Variants in PCDH9 observed in about 807,000 individuals in gnomAD.
PCDH9 encodes the protein protocadherin-9.
Under a neutral mutation model 70.6 loss-of-function variants are expected in PCDH9, and 24 were observed. The ratio of observed to expected loss-of-function variants is 0.34; its 90% CI spans 0.25 to 0.48. PCDH9 has a LOEUF of 0.48. Ranked by LOEUF, PCDH9 falls within the 20% of genes least tolerant of loss-of-function variation. PCDH9 has a pLI of 0.99. For synonymous variants in PCDH9, 562 were observed against 558.5 expected (o/e 1.01, Z -0.09); for missense variants, 1,281 against 1,503.6 (o/e 0.85, Z 2.45).
chr13:66,448,719 T>G (rs1361057345), intron 4 of PCDH9, among the ~76,000 whole-genome samples: 2 of 152,288 alleles, frequency 1.3e-5, no homozygotes, highest in Non-Finnish European at 2.9e-5. Flanking sequence ...TACTTGGATA[T>G]GGAGGTGGGA....
intron 4 of PCDH9, among the ~76,000 whole-genome samples, chr13:66,484,368 A>G (rs1417062963): frequency 6.6e-6 from 1 of 152,040 alleles, no homozygotes; most frequent in East Asian, 1.9e-4. Context: ...GCCCATCTGT[A>G]TGCTCTCCTA....
At chr13:66,443,379 C>G (rs1372742531) in intron 4 of PCDH9, among the ~76,000 whole-genome samples, 1 of 152,114 alleles carries the variant, frequency 6.6e-6, no homozygotes, top group Non-Finnish European at 1.5e-5. Context: ...ATTTTTGGAA[C>G]TGTGTAACAA....
intron 4 of PCDH9, among the ~76,000 whole-genome samples, chr13:66,520,595 A>G (rs1286321442): frequency 6.6e-6 from 1 of 152,152 alleles, no homozygotes; most frequent in Non-Finnish European, 1.5e-5. Context: ...CGAATATCTG[A>G]TTATTTAGCT....
chr13:66,632,248 C>T (rs911275805), intron 3 of PCDH9, among the ~76,000 whole-genome samples: 2 of 152,280 alleles, frequency 1.3e-5, no homozygotes, highest in Non-Finnish European at 2.9e-5. Flanking sequence ...TAAAGCAATA[C>T]TGGAATAATT....
Position 66,468,920 on chromosome 13 carries a change from T to A in PCDH9, c.3340+162290A>T, listed in dbSNP as rs79705273. On this transcript the variant is annotated intron_variant, in intron 4 of 4. Transcript: ENST00000377865. Reference sequence around the variant, plus strand: ...TCAGGCTGCACCCAAGGAAATGAGGTTAGGAAATAAATTTGGCCAAAATAT... The same window carrying A: ...TCAGGCTGCACCCAAGGAAATGAGGATAGGAAATAAATTTGGCCAAAATAT... Among the ~76,000 whole-genome samples, 628 of 152,162 alleles carry A rather than the reference T, an allele frequency of 4.1e-3. 6 individuals are homozygous for A. The highest frequency in any genetic ancestry group is 0.015 in the African/African-American group (603 of 41,546).
chr13:66,878,681 G>A (rs920587250), intron 3 of PCDH9, among the ~76,000 whole-genome samples: 2 of 152,124 alleles, frequency 1.3e-5, no homozygotes, highest in Non-Finnish European at 2.9e-5. Context: ...ATGTGAAATA[G>A]GTGACAAATT....
chr13:66,823,157 A>T (rs2080745059), intron 3 of PCDH9, among the ~76,000 whole-genome samples: 1 of 152,032 alleles, frequency 6.6e-6, no homozygotes, highest in Non-Finnish European at 1.5e-5. Context: ...ATTTAACAGT[A>T]CCAAAGTTGT....
At chr13:66,394,938 G>A (rs1422299701) in intron 4 of PCDH9, among the ~76,000 whole-genome samples, 1 of 152,090 alleles carries the variant, frequency 6.6e-6, no homozygotes, top group Non-Finnish European at 1.5e-5. Flanking sequence ...TGATAAGATG[G>A]GAGTATATAT....
At chr13:66,961,123 TAC>T (rs2139724975) in intron 2 of PCDH9, among the ~76,000 whole-genome samples, 1 of 152,282 alleles carries the variant, frequency 6.6e-6, no homozygotes, top group Admixed American at 6.5e-5. Flanking sequence ...TTAAAAAAAA[TAC>T]AGTTTAAAAA....
chr13:67,015,048 C>T (rs551676709), intron 2 of PCDH9, among the ~76,000 whole-genome samples: 12 of 152,200 alleles, frequency 7.9e-5, no homozygotes, highest in South Asian at 4.1e-4. Context: ...ACTTCACAAA[C>T]GCATTTAACA....
At chr13:66,439,772 C>T (rs1202776720) in intron 4 of PCDH9, among the ~76,000 whole-genome samples, 1 of 152,082 alleles carries the variant, frequency 6.6e-6, no homozygotes, top group African/African-American at 2.4e-5. Flanking sequence ...GTACATACAT[C>T]CTTTTTAATT....
intron 2 of PCDH9, among the ~76,000 whole-genome samples, chr13:67,074,677 G>A (rs1463917925): frequency 6.6e-6 from 1 of 152,052 alleles, no homozygotes; most frequent in East Asian, 1.9e-4. Flanking sequence ...TCACACAAGT[G>A]TAAAAATATA....
chr13:66,801,894 TTAAAC>T (rs1424220400), intron 3 of PCDH9, among the ~76,000 whole-genome samples: 1 of 152,046 alleles, frequency 6.6e-6, no homozygotes, highest in Non-Finnish European at 1.5e-5. Flanking sequence ...TAAAAGTAGT[TTAAAC>T]TGCATACTCA....
chr13:66,484,176 G>A (rs924546045), intron 4 of PCDH9, among the ~76,000 whole-genome samples: 2 of 152,114 alleles, frequency 1.3e-5, no homozygotes, highest in African/African-American at 4.8e-5. Flanking sequence ...GAGAAACCCC[G>A]GGATACAGAA....
intron 3 of PCDH9, among the ~76,000 whole-genome samples, chr13:66,768,730 A>G (rs9529137): frequency 0.5 from 76,397 of 151,940 alleles, 21,556 homozygotes; most frequent in Middle Eastern, 0.65. Context: ...CTGACAAAGC[A>G]ACCTTTTATC....
At chr13:66,331,850 T>C (rs1955948208) in intron 4 of PCDH9, among the ~76,000 whole-genome samples, 1 of 152,206 alleles carries the variant, frequency 6.6e-6, no homozygotes, top group South Asian at 2.1e-4. Context: ...ACAATGTATT[T>C]ATTTAACTTC....
At chr13:66,506,124 G>T (rs985301210) in intron 4 of PCDH9, among the ~76,000 whole-genome samples, 1 of 152,124 alleles carries the variant, frequency 6.6e-6, no homozygotes, top group Admixed American at 6.5e-5. Context: ...TAGAGGAAGG[G>T]CATCATGCTT....
rs144995164 is a variant in PCDH9, at chr13:66,538,453, A to G, written c.3340+92757T>C. On this transcript the variant is annotated intron_variant, in intron 4 of 4. Coordinates refer to ENST00000377865, the MANE Select transcript of PCDH9 (RefSeq NM_203487.3). ...ACATCTCCTGGTGTAATGCAATGTG[A>G]TGGTCAAGATTCTCCAGAGAAACAG... is the stretch of plus-strand genomic sequence containing the variant. 4.1e-3 allele frequency among the ~76,000 whole-genome samples: 623 copies of G among 152,190 alleles called. 3 individuals are homozygous for G. Among genetic ancestry groups the G allele is most frequent in the African/African-American group, 0.014 (574 of 41,518 alleles).
At chr13:66,978,435 C>A (rs1433929006) in intron 2 of PCDH9, 1 of 151,822 alleles carries the variant, frequency 6.6e-6, no homozygotes, top group Non-Finnish European at 1.5e-5. Context: ...AAAATAGATA[C>A]TATTCCTTAG....
Sources: gnomAD v4.1 joint callset for allele counts (sites outside exome capture counted in the v4.1 genomes callset) on GRCh38, gnomAD v4.1.1 for gene constraint, MANE v1.5 for transcripts, NCBI Gene and HGNC (gene_info 2026-07-23, HGNC 2026-07-21) for gene names.